Variants in RHEX observed in about 807,000 individuals in gnomAD.
The protein encoded by RHEX is regulator of hemoglobinization and erythroid cell expansion.
RHEX carries 18 observed loss-of-function variants against 20.1 expected under a neutral mutation model. The observed-to-expected ratio is 0.90, with a 90% CI of 0.62 to 1.33. The LOEUF (loss-of-function observed/expected upper bound fraction) is 1.33. Among genes scored for constraint, RHEX ranks in the 40% most tolerant of loss-of-function variants. The pLI is 0.00. For synonymous variants in RHEX, 87 were observed against 77.1 expected (o/e 1.13, Z -0.67); for missense variants, 192 against 214.3 (o/e 0.90, Z 0.65).
At chr1:206,097,507 G>A (rs1553287832) in intron 1 of RHEX, among the ~76,000 whole-genome samples, 1 of 152,124 alleles carries the variant, frequency 6.6e-6, no homozygotes, top group African/African-American at 2.4e-5. Context: ...TTTTATAAAC[G>A]AAACTAAACA....
chr1:206,072,341 C>T (rs957393765), intron 1 of RHEX, among the ~76,000 whole-genome samples: 2 of 152,084 alleles, frequency 1.3e-5, no homozygotes, highest in Non-Finnish European at 2.9e-5. Context: ...TTTGGGAGGC[C>T]GAGGTGGGTG....
At chr1:206,064,246 G>A (rs1303376690) in intron 1 of RHEX, among the ~76,000 whole-genome samples, 3 of 143,324 alleles carry the variant, frequency 2.1e-5, no homozygotes, top group Non-Finnish European at 3.0e-5. Flanking sequence ...CAGCCACCCC[G>A]TCCGGGAGGG....
At chr1:206,098,812 G>A (rs188323412) in intron 3 of RHEX, among the ~76,000 whole-genome samples, 1 of 152,236 alleles carries the variant, frequency 6.6e-6, no homozygotes, top group African/African-American at 2.4e-5. Context: ...CTGGGCCTAG[G>A]CTACACAACA....
chr1:206,059,029 C>T (rs528766137), intron 1 of RHEX, among the ~76,000 whole-genome samples: 4 of 152,240 alleles, frequency 2.6e-5, no homozygotes, highest in Non-Finnish European at 5.9e-5. Context: ...GATAGACACC[C>T]TCATGCTATC....
intron 1 of RHEX, among the ~76,000 whole-genome samples, chr1:206,091,043 G>A (rs1662939679): frequency 6.6e-6 from 1 of 152,196 alleles, no homozygotes; most frequent in South Asian, 2.1e-4. Context: ...TAATGTAGCA[G>A]CTGACAGCTC....
At chr1:206,065,082 G>A (rs1662397500) in intron 1 of RHEX, among the ~76,000 whole-genome samples, 1 of 152,042 alleles carries the variant, frequency 6.6e-6, no homozygotes, top group South Asian at 2.1e-4. Flanking sequence ...AAGGCAGCAT[G>A]CTCATTAAGA....
chr1:206,098,150 C>T lies in RHEX; in HGVS notation c.81C>T (p.Thr27=), dbSNP rs781826558. The change falls in exon 3 of 6, where the codon ACC becomes ACT. Residue 27 remains threonine, a synonymous_variant. Transcript: ENST00000331555. The part of the protein sequence containing the change: ...VSLFLQACFL[T]AINYLLSRHM... Reference sequence around the variant, plus strand: ...TCTTCCTGCAGGCCTGCTTCCTCACCGCCATCAACTACCTGCTCAGCAGGC... The same window carrying T: ...TCTTCCTGCAGGCCTGCTTCCTCACTGCCATCAACTACCTGCTCAGCAGGC... 2.1e-5 allele frequency: 34 copies of T among 1,613,752 alleles called. No homozygotes were observed. The highest frequency in any genetic ancestry group is 5.5e-5 in the South Asian group (5 of 91,076).
chr1:206,071,752 G>A (rs1662532925), intron 1 of RHEX, among the ~76,000 whole-genome samples: 1 of 151,662 alleles, frequency 6.6e-6, no homozygotes, highest in Non-Finnish European at 1.5e-5. Context: ...GGGAAGCTGA[G>A]GCAGGAGGAT....
At chr1:206,087,281 T>C (rs1182391311) in intron 1 of RHEX, among the ~76,000 whole-genome samples, 1 of 152,198 alleles carries the variant, frequency 6.6e-6, no homozygotes, top group Admixed American at 6.5e-5. Context: ...ACTAAAGCTG[T>C]CCCCAAAGCC....
chr1:206,095,559 G>A (rs1371724603), intron 1 of RHEX, among the ~76,000 whole-genome samples: 1 of 152,136 alleles, frequency 6.6e-6, no homozygotes, highest in Non-Finnish European at 1.5e-5. Context: ...GCTCACGCCT[G>A]TAATCCCAGC....
rs1662256876 is a variant in RHEX at position 206,059,105 on chromosome 1, C to A, written c.-97+5840C>A. 3.3e-5 allele frequency among the ~76,000 whole-genome samples: 5 copies of A among 152,262 alleles called. No individual in the cohort carries two copies. The South Asian group carries it at 1.0e-3, about 32-fold the overall frequency. On this transcript the variant is annotated intron_variant, in intron 1 of 5. Transcript: ENST00000331555. Reference sequence around the variant, plus strand: ...TGCCCCAGCTGGAGACCCAAGTTCCCTTCTCATTGCTCAGGGTTTAGGTGT... The same window carrying A: ...TGCCCCAGCTGGAGACCCAAGTTCCATTCTCATTGCTCAGGGTTTAGGTGT...
At chr1:206,069,593 G>T (rs1662490386) in intron 1 of RHEX, among the ~76,000 whole-genome samples, 1 of 152,232 alleles carries the variant, frequency 6.6e-6, no homozygotes, top group Admixed American at 6.5e-5. Context: ...TTCCAGGAAA[G>T]CCCTCAGGCC....
intron 3 of RHEX, chr1:206,098,432 C>A (rs373696478): frequency 1.1e-5 from 5 of 467,488 alleles, no homozygotes; most frequent in African/African-American, 5.8e-5. Context: ...ACTACCCAGA[C>A]CTTCTGCCTA....
intron 1 of RHEX, among the ~76,000 whole-genome samples, chr1:206,085,100 TAAGTC>T (rs1386081907): frequency 6.6e-6 from 1 of 152,056 alleles, no homozygotes; most frequent in African/African-American, 2.4e-5. Flanking sequence ...AACTGGAAAA[TAAGTC>T]AAATAAAGAG....
chr1:206,095,490 A>C (rs972938698), intron 1 of RHEX, among the ~76,000 whole-genome samples: 1 of 152,238 alleles, frequency 6.6e-6, no homozygotes, highest in East Asian at 1.9e-4. Flanking sequence ...GAAAATATTT[A>C]GAAAATTTTC....
intron 1 of RHEX, among the ~76,000 whole-genome samples, chr1:206,088,683 A>G (rs1662884980): frequency 6.6e-6 from 1 of 152,244 alleles, no homozygotes; most frequent in South Asian, 2.1e-4. Flanking sequence ...CTCCGTCTCA[A>G]AAAACAAACA....
chr1:206,081,988 T>C (rs1051155998), intron 1 of RHEX, among the ~76,000 whole-genome samples: 2 of 152,212 alleles, frequency 1.3e-5, no homozygotes, highest in Non-Finnish European at 2.9e-5. Flanking sequence ...AGGGCAAACC[T>C]AGAGCAGGTG....
chr1:206,096,964 G>A (rs1663084391), intron 1 of RHEX, among the ~76,000 whole-genome samples: 1 of 151,828 alleles, frequency 6.6e-6, no homozygotes, highest in Admixed American at 6.6e-5. Context: ...TAGTAAAGAC[G>A]AGGTTTCGCC....
intron 1 of RHEX, among the ~76,000 whole-genome samples, chr1:206,057,520 T>C (rs1244455923): frequency 6.6e-6 from 1 of 152,252 alleles, no homozygotes; most frequent in Non-Finnish European, 1.5e-5. Flanking sequence ...ATTCAGTAAA[T>C]TTCCAAAGTT....
Sources: allele counts gnomAD v4.1 joint callset (sites outside exome capture counted in the v4.1 genomes callset), GRCh38; gene constraint gnomAD v4.1.1; transcripts MANE v1.5; gene names NCBI Gene and HGNC (gene_info 2026-07-23, HGNC 2026-07-21).